The following NCALD variants were observed in gnomAD, a reference collection of about 807,000 sequenced individuals.
NCALD encodes neurocalcin-delta.
In NCALD, 10 loss-of-function variants were observed where a neutral mutation model predicts 18.6. The observed-to-expected ratio is 0.54, with a 90% CI of 0.33 to 0.91. The LOEUF (loss-of-function observed/expected upper bound fraction) is 0.91. Ranked by LOEUF, NCALD falls within the 40% of genes least tolerant of loss-of-function variation. The pLI is 0.03. For missense variants in NCALD, 184 were observed against 247.6 expected, an observed-to-expected ratio of 0.74 and a Z score of 1.72; for synonymous variants, 88 against 87.4, an observed-to-expected ratio of 1.01 and a Z score of -0.04.
intron 3 of NCALD, among the ~76,000 whole-genome samples, chr8:101,908,557 C>G (rs188374649): frequency 6.6e-6 from 1 of 152,264 alleles, no homozygotes; most frequent in East Asian, 1.9e-4. Context: ...TTAGTAAATG[C>G]ATCATATGAT....
At chr8:102,042,110 G>A (rs1188882854) in intron 1 of NCALD, among the ~76,000 whole-genome samples, 1 of 151,914 alleles carries the variant, frequency 6.6e-6, no homozygotes, top group Non-Finnish European at 1.5e-5. Flanking sequence ...AGAGTTTGGT[G>A]TACTTGTTAT....
intron 2 of NCALD, among the ~76,000 whole-genome samples, chr8:101,701,971 T>C (rs989744373): frequency 6.6e-6 from 1 of 152,218 alleles, no homozygotes; most frequent in African/African-American, 2.4e-5. Context: ...CTTTCTCATT[T>C]AGAGCTAGAA....
chr8:102,090,108 T>C (rs973515114), intron 1 of NCALD, among the ~76,000 whole-genome samples: 6 of 152,226 alleles, frequency 3.9e-5, no homozygotes, highest in Non-Finnish European at 8.8e-5. Context: ...AAAAAGCATA[T>C]GGAAAGCATT....
intron 2 of NCALD, among the ~76,000 whole-genome samples, chr8:101,973,098 C>T (rs1482259516): frequency 1.3e-5 from 2 of 151,848 alleles, no homozygotes; most frequent in Admixed American, 1.3e-4. Context: ...AGGGCCAGCA[C>T]TCTAACAAGG....
chr8:101,691,053 C>T, intron 3 of NCALD: 11 of 985,412 alleles, frequency 1.1e-5, no homozygotes, highest in Non-Finnish European at 1.3e-5. Flanking sequence ...CCAAGAGCAA[C>T]AGGCAAGCTA....
At chr8:101,798,784 G>T (rs1189402320) in intron 4 of NCALD, among the ~76,000 whole-genome samples, 16 of 152,240 alleles carry the variant, frequency 1.1e-4, no homozygotes, top group African/African-American at 3.9e-4. Context: ...GATCAAGACT[G>T]TGGGATACTG....
intron 1 of NCALD, among the ~76,000 whole-genome samples, chr8:101,730,370 C>G (rs966883211): frequency 6.8e-6 from 1 of 147,558 alleles, no homozygotes; most frequent in Non-Finnish European, 1.5e-5. Flanking sequence ...GTCCCAGCTA[C>G]TCGGGAGGCT....
intron 1 of NCALD, among the ~76,000 whole-genome samples, chr8:101,787,054 T>A (rs1326628853): frequency 6.6e-6 from 1 of 152,208 alleles, no homozygotes; most frequent in African/African-American, 2.4e-5. Flanking sequence ...ACTTTTATGG[T>A]ATCACTTCTG....
intron 2 of NCALD, among the ~76,000 whole-genome samples, chr8:101,930,711 T>C (rs1256580487): frequency 6.6e-6 from 1 of 152,040 alleles, no homozygotes; most frequent in Non-Finnish European, 1.5e-5. Flanking sequence ...GCAACATTCA[T>C]CCCACTGGAA....
At chr8:102,091,936 G>A (rs1824937258) in intron 1 of NCALD, among the ~76,000 whole-genome samples, 1 of 152,208 alleles carries the variant, frequency 6.6e-6, no homozygotes, top group Non-Finnish European at 1.5e-5. Flanking sequence ...TTATAAAAGG[G>A]AGGGGGAAAA....
At chr8:101,825,747 G>A (rs1408411322) in intron 4 of NCALD, among the ~76,000 whole-genome samples, 1 of 151,414 alleles carries the variant, frequency 6.6e-6, no homozygotes, top group African/African-American at 2.4e-5. Context: ...TTCTGTAAAG[G>A]GTCAGATATT....
At chr8:101,770,534 T>C (rs1811541007) in intron 1 of NCALD, among the ~76,000 whole-genome samples, 3 of 152,194 alleles carry the variant, frequency 2.0e-5, no homozygotes, top group Non-Finnish European at 4.4e-5. Flanking sequence ...TGGGGGGGCT[T>C]CCTGCAAAGA....
chr8:101,898,477 A>G (rs2131553235), intron 3 of NCALD, among the ~76,000 whole-genome samples: 1 of 152,246 alleles, frequency 6.6e-6, no homozygotes, highest in Non-Finnish European at 1.5e-5. Flanking sequence ...TCATCCTTCT[A>G]ACACAGTTCT....
intron 4 of NCALD, among the ~76,000 whole-genome samples, chr8:101,815,047 C>A (rs1813441938): frequency 2.6e-5 from 4 of 152,084 alleles, no homozygotes; most frequent in Admixed American, 2.6e-4. Flanking sequence ...TTCTTCCTAA[C>A]TTGATCTATA....
chr8:102,055,477 G>A (rs978091612), intron 1 of NCALD, among the ~76,000 whole-genome samples: 4 of 152,104 alleles, frequency 2.6e-5, no homozygotes, highest in Non-Finnish European at 5.9e-5. Context: ...CTATGATTAA[G>A]GACATAAAAC....
intron 1 of NCALD, among the ~76,000 whole-genome samples, chr8:102,030,610 A>G (rs981362954): frequency 1.8e-4 from 27 of 152,224 alleles, no homozygotes; most frequent in Admixed American, 1.8e-3. Context: ...GGCTGGGCAC[A>G]GTGGCTCATG....
chr8:101,888,682 G>T (rs1816763489), intron 3 of NCALD, among the ~76,000 whole-genome samples: 1 of 152,104 alleles, frequency 6.6e-6, no homozygotes, highest in East Asian at 1.9e-4. Flanking sequence ...GTCTCAAAGT[G>T]CTGAGATAAC....
At chr8:101,757,723 T>A (rs2130811940) in intron 1 of NCALD, among the ~76,000 whole-genome samples, 1 of 152,258 alleles carries the variant, frequency 6.6e-6, no homozygotes, top group South Asian at 2.1e-4. Flanking sequence ...CCTTTCTCTA[T>A]CCCTGTATTA....
At position 102,043,956 on chromosome 8, in the gene NCALD, G is replaced by A. The variant is rs113544404; in HGVS notation, c.-209-23667C>T. On this transcript the variant is annotated intron_variant, in intron 1 of 6. Coordinates refer to the NCALD transcript ENST00000311028. ...ACAAGGACTCTGGTTACATTCTTAC[G>A]GGGAAGAAAAACAATTTAAGCATTT... Among the ~76,000 whole-genome samples the A allele has an allele frequency of 1.4e-3, 214 of 151,868 alleles. 1 individual carries two copies. Among genetic ancestry groups the A allele is most frequent in the Non-Finnish European group, 2.3e-3 (158 of 68,008 alleles).
Sources: gnomAD v4.1 joint callset for allele counts (sites outside exome capture counted in the v4.1 genomes callset) on GRCh38, gnomAD v4.1.1 for gene constraint, MANE v1.5 for transcripts, NCBI Gene and HGNC (gene_info 2026-07-23, HGNC 2026-07-21) for gene names.